The following GALNT16 variants were observed in gnomAD, a reference collection of about 807,000 sequenced individuals.
The protein encoded by GALNT16 is polypeptide N-acetylgalactosaminyltransferase 16, also known as UDP-GalNAc:polypeptide N-acetylgalactosaminyltransferase-like protein 1.
A neutral mutation model predicts 76.1 loss-of-function variants in GALNT16; 40 were observed. The observed-to-expected ratio is 0.53, with a 90% confidence interval of 0.41 to 0.68. The LOEUF is 0.68. Among genes scored for constraint, GALNT16 ranks in the 30% least tolerant of loss-of-function variants. The pLI is 0.00. For missense variants in GALNT16, 621 were observed against 731.9 expected (o/e 0.85, Z 1.75); for synonymous variants, 276 against 285.2 (o/e 0.97, Z 0.32).
chr14:69,272,111 G>A (rs8010910), intron 1 of GALNT16, among the ~76,000 whole-genome samples: 40,424 of 151,784 alleles, frequency 0.27, 5,720 homozygotes, highest in East Asian at 0.44. Context: ...CTGTAATCCC[G>A]GCATTTTGGG....
chr14:69,333,142 C>A lies in GALNT16; in HGVS notation c.836C>A (p.Thr279Asn). The change falls in exon 8 of 15, where the codon ACC becomes AAC. Residue 279 changes from threonine (T) to asparagine (N), a missense_variant. Coordinates refer to ENST00000448469, the MANE Select transcript of GALNT16 (RefSeq NM_001168368.2). This position sits in a 1 kb window ranked among gnomAD's most constrained non-coding sequence, Gnocchi z 4.2. The part of the protein sequence containing the change: ...WEQIPLEQKM[T>N]RTDPTRPIRT... ...CAGATCCCTCTTGAGCAGAAGATGACCCGGACAGACCCCACCAGGCCCATA... is the reference window on the plus strand; with the variant it reads ...CAGATCCCTCTTGAGCAGAAGATGAACCGGACAGACCCCACCAGGCCCATA... 3 of 1,612,902 alleles carry A rather than the reference C, an allele frequency of 1.9e-6. No homozygotes were observed. The highest frequency in any genetic ancestry group is 2.5e-6 in the Non-Finnish European group (3 of 1,179,070).
chr14:69,306,200 C>T (rs1229215343), intron 1 of GALNT16, among the ~76,000 whole-genome samples: 1 of 152,148 alleles, frequency 6.6e-6, no homozygotes, highest in African/African-American at 2.4e-5. Flanking sequence ...TGTGATGCCT[C>T]CAGCTTTGTT....
intron 1 of GALNT16, 49 bp from the exon 2 acceptor site, chr14:69,320,662 G>A: frequency 3.8e-6 from 6 of 1,574,628 alleles, no homozygotes; most frequent in Non-Finnish European, 5.2e-6. Flanking sequence ...TCGCCAAGCA[G>A]TGGGGTCCTC....
intron 2 of GALNT16, among the ~76,000 whole-genome samples, chr14:69,322,186 A>G (rs1016692): frequency 0.17 from 26,587 of 152,266 alleles, 3,247 homozygotes; most frequent in East Asian, 0.5. Context: ...CAAGTAAGGC[A>G]GTACTCCTGC....
intron 1 of GALNT16, among the ~76,000 whole-genome samples, chr14:69,302,430 A>T (rs975861984): frequency 2.1e-5 from 2 of 94,954 alleles, no homozygotes; most frequent in African/African-American, 5.1e-5. Flanking sequence ...AATCATACTG[A>T]TTTTAACATG....
At chr14:69,302,560 A>G (rs1002379409) in intron 1 of GALNT16, among the ~76,000 whole-genome samples, 4 of 152,194 alleles carry the variant, frequency 2.6e-5, no homozygotes, top group African/African-American at 9.7e-5. Flanking sequence ...CGAATCTTGC[A>G]CAGAAGTCTA....
intron 1 of GALNT16, among the ~76,000 whole-genome samples, chr14:69,274,649 A>G (rs1184016437): frequency 6.6e-6 from 1 of 152,204 alleles, no homozygotes; most frequent in Non-Finnish European, 1.5e-5. Flanking sequence ...CTGGGAGACC[A>G]AGGCAAATAT....
the GALNT16 span, among the ~76,000 whole-genome samples, chr14:69,373,515 T>G: frequency 6.6e-6 from 1 of 152,216 alleles, no homozygotes; most frequent in Non-Finnish European, 1.5e-5. Flanking sequence ...GAACATCCAC[T>G]TAAGTGTATA....
chr14:69,268,139 GCA>G (rs899891172), intron 1 of GALNT16, among the ~76,000 whole-genome samples: 2 of 152,150 alleles, frequency 1.3e-5, no homozygotes, highest in Non-Finnish European at 2.9e-5. Flanking sequence ...GTCTGAGAAT[GCA>G]CACAGGCATG....
chr14:69,372,762 G>A, the GALNT16 span, among the ~76,000 whole-genome samples: 609 of 152,286 alleles, frequency 4.0e-3, 16 homozygotes, highest in Non-Finnish European at 6.9e-4. Flanking sequence ...TCAAGGATAC[G>A]TTGAGGTATC....
intron 14 of GALNT16, 91 bp downstream of exon 14, chr14:69,348,093 C>T (rs1161125500): frequency 7.5e-7 from 1 of 1,328,044 alleles, no homozygotes; most frequent in Non-Finnish European, 1.1e-6. Flanking sequence ...CCCTGATTGA[C>T]TCAAATAAGC....
At chr14:69,366,672 C>T in the GALNT16 span, among the ~76,000 whole-genome samples, 13 of 152,188 alleles carry the variant, frequency 8.5e-5, no homozygotes, top group African/African-American at 2.9e-4. Flanking sequence ...GACCTCCCTC[C>T]CTGCCTCATA....
At chr14:69,331,917 G>A (rs546606615) in intron 7 of GALNT16, among the ~76,000 whole-genome samples, 1 of 152,238 alleles carries the variant, frequency 6.6e-6, no homozygotes, top group Non-Finnish European at 1.5e-5. Flanking sequence ...GGAGTAGGGA[G>A]CCCTCAGCCT....
chr14:69,384,025 T>C, the GALNT16 span, among the ~76,000 whole-genome samples: 1 of 152,124 alleles, frequency 6.6e-6, no homozygotes, highest in African/African-American at 2.4e-5. Context: ...TTAGAAAAGT[T>C]ATGTTATGTC....
intron 10 of GALNT16, among the ~76,000 whole-genome samples, chr14:69,339,196 G>A (rs1412053643): frequency 6.6e-6 from 1 of 152,078 alleles, no homozygotes; most frequent in Non-Finnish European, 1.5e-5. Flanking sequence ...ACCACTCCAC[G>A]GTCTGCTCTC....
chr14:69,384,734 T>C, the GALNT16 span, among the ~76,000 whole-genome samples: 1 of 152,224 alleles, frequency 6.6e-6, no homozygotes, highest in South Asian at 2.1e-4. Flanking sequence ...TGCATTTATA[T>C]AACCAATATT....
chr14:69,330,159 A>G lies in GALNT16; in HGVS notation c.691-1305A>G, dbSNP rs182884658. Reference sequence around the variant, plus strand: ...AGAGCAGCACTATTCAGAATAACCAAAAGGTAGAAAAAATCCAAATGCCTA... The same window carrying G: ...AGAGCAGCACTATTCAGAATAACCAGAAGGTAGAAAAAATCCAAATGCCTA... On this transcript the variant is annotated intron_variant, in intron 6 of 14. Transcript: ENST00000448469. Among the ~76,000 whole-genome samples, 90 of 152,344 alleles carry G rather than the reference A, an allele frequency of 5.9e-4. 1 individual carries two copies. The highest frequency in any genetic ancestry group is 5.4e-3 in the Admixed American group (83 of 15,314).
chr14:69,312,624 G>C lies in GALNT16; in HGVS notation c.178-8087G>C, dbSNP rs1036879196. Reference sequence around the variant, plus strand: ...CTGAGAGGACCCAGGAAATCTGGTGGTGTGCTGATTTGGTCTGAGTACACA... The same window carrying C: ...CTGAGAGGACCCAGGAAATCTGGTGCTGTGCTGATTTGGTCTGAGTACACA... On this transcript the variant is annotated intron_variant, in intron 1 of 14. Transcript: ENST00000448469. Among the ~76,000 whole-genome samples, 6 of 152,324 alleles carry C rather than the reference G, an allele frequency of 3.9e-5. No homozygotes were observed. In the South Asian group the frequency reaches 8.3e-4, roughly 21 times the overall value.
At position 69,260,195 on chromosome 14, in the gene GALNT16, C is replaced by G; in HGVS notation, c.-96C>G. The stretch of plus-strand genomic sequence containing the variant: ...CTCTGCAGGACTGAGCAGCTAGGCG[C>G]GAGCGAAAACAAACAGCTGGGGCTG... On this transcript the variant is annotated 5_prime_UTR_variant, in exon 1 of 15. Coordinates refer to ENST00000448469, the MANE Select transcript of GALNT16 (RefSeq NM_001168368.2). 1.5e-6 allele frequency: 1 copy of G among 647,780 alleles called. No homozygotes were observed. Among genetic ancestry groups the G allele is most frequent in the Non-Finnish European group, 2.6e-6 (1 of 387,886 alleles). 40.1% of individuals were successfully genotyped at this position (647,780 alleles called of 1,614,324 possible). A position where few individuals can be genotyped will look rare whatever the true frequency, so the allele number is the denominator to read the frequency against.
Sources: allele counts gnomAD v4.1 joint callset (sites outside exome capture counted in the v4.1 genomes callset), GRCh38; gene constraint gnomAD v4.1.1; non-coding constraint Gnocchi (gnomAD v3.1); transcripts MANE v1.5; gene names NCBI Gene and HGNC (gene_info 2026-07-23, HGNC 2026-07-21).